PATJ: variants seen among roughly 807,000 people sequenced by gnomAD.
The protein encoded by PATJ is PATJ crumbs cell polarity complex component, also known as inaD-like protein.
PATJ carries 190 observed loss-of-function variants against 224.9 expected under a neutral mutation model. The ratio of observed to expected loss-of-function variants is 0.84; its 90% CI spans 0.75 to 0.95. The LOEUF is 0.95. Among genes scored for constraint, PATJ ranks in the 40% least tolerant of loss-of-function variants. The probability of loss-of-function intolerance (pLI) is 0.00; values close to 1 mark genes in which losing one functional copy is unlikely to be tolerated. For synonymous variants in PATJ, 769 were observed against 820.3 expected (o/e 0.94, Z 1.07); for missense variants, 2,121 against 2,270.3 (o/e 0.93, Z 1.34).
rs1356937495 is a variant in PATJ at position 62,106,158 on chromosome 1, G to GTGTGTATATATATATATATATATA, written c.4378-2278_4378-2277insGTGTATATATATATATATATATAT. On this transcript the variant is annotated intron_variant, in intron 33 of 43. Transcript: ENST00000642238. ...TACATGTGTATATGTGTGTGTGTGT[G>GTGTGTATATATATATATATATATA]TATATATATATATATATATATATAT... Among the ~76,000 whole-genome samples, 95 of 48,052 alleles carry GTGTGTATATATATATATATATATA rather than the reference G, an allele frequency of 2.0e-3. 7 individuals carry two copies. The highest frequency in any genetic ancestry group is 3.9e-3 in the Non-Finnish European group (88 of 22,802). 31.5% of individuals were successfully genotyped at this position (48,052 alleles called of 152,430 possible).
intron 28 of PATJ, among the ~76,000 whole-genome samples, chr1:62,003,774 G>A (rs1645931773): frequency 6.6e-6 from 1 of 152,156 alleles, no homozygotes; most frequent in South Asian, 2.1e-4. Flanking sequence ...TCCTCCCTTT[G>A]GTTCTCCCAT....
Position 61,808,506 on chromosome 1 carries a change from T to A in PATJ, c.1659T>A (p.Asp553Glu). Residue 553 changes from aspartate to glutamate, a missense_variant, in exon 14 of 44, where the codon GAT (aspartate) becomes GAA (glutamate). Asp to Glu is a conservative substitution (Grantham distance 45). Coordinates refer to ENST00000642238, the MANE Select transcript of PATJ (RefSeq NM_001350145.3). ...CTTTGGACACACAGATTGCAGATGA[T>A]GCTGAGTTACAGAAATATTCAAAGG... ...VATLDTQIAD[D>E]AELQKYSKLL... 3 of 1,608,336 alleles carry A rather than the reference T, an allele frequency of 1.9e-6. No individual in the cohort carries two copies. Among genetic ancestry groups the A allele is most frequent in the Non-Finnish European group, 2.6e-6 (3 of 1,175,902 alleles).
chr1:61,864,921 G>C (rs964599477), intron 20 of PATJ, among the ~76,000 whole-genome samples: 1 of 151,778 alleles, frequency 6.6e-6, no homozygotes, highest in African/African-American at 2.4e-5. Flanking sequence ...TTTCAGAGAA[G>C]AGTTCTTTTA....
In PATJ at chr1:61,771,729, T is replaced by TC. The variant is rs1208370969; in HGVS notation, c.720+103_720+104insC. On this transcript the variant is annotated intron_variant, in intron 6 of 43. Transcript: ENST00000642238. ...TGTCATTTTACCTTTCTTTCCTTTT[T>TC]TTTTTTTGAGATGGAGTTTCGCTCT... 3.3e-6 allele frequency: 3 copies of TC among 915,116 alleles called. No homozygotes were observed. The Admixed American group carries it at 1.1e-4, about 34-fold the overall frequency. The allele number at this position is 915,116 out of a possible 1,614,324, so 56.7% of individuals were successfully genotyped here. A position where few individuals can be genotyped will look rare whatever the true frequency, so the allele number is the denominator to read the frequency against.
chr1:62,036,010 G>C (rs1650311699), intron 29 of PATJ, among the ~76,000 whole-genome samples: 2 of 152,020 alleles, frequency 1.3e-5, no homozygotes, highest in Admixed American at 1.3e-4. Flanking sequence ...TGGAAAGAAA[G>C]TCTGTGCAGC....
In PATJ at chr1:62,099,764, A is replaced by T. The variant is rs192876868; in HGVS notation, c.4378-8673A>T. On this transcript the variant is annotated intron_variant, in intron 33 of 43. Coordinates refer to ENST00000642238, the MANE Select transcript of PATJ (RefSeq NM_001350145.3). Reference sequence around the variant, plus strand: ...TATCTAGAAATGTAAAATCTCATCTACTAAAATAGTTCACCCACAAAAGGG... The same window carrying T: ...TATCTAGAAATGTAAAATCTCATCTTCTAAAATAGTTCACCCACAAAAGGG... Among the ~76,000 whole-genome samples, 880 of 152,302 alleles carry T rather than the reference A, an allele frequency of 5.8e-3. 9 individuals carry two copies. Among genetic ancestry groups the T allele is most frequent in the African/African-American group, 0.02 (836 of 41,560 alleles).
intron 14 of PATJ, among the ~76,000 whole-genome samples, chr1:61,810,055 G>C (rs1245163147): frequency 2.6e-5 from 4 of 151,414 alleles, no homozygotes; most frequent in African/African-American, 9.7e-5. Context: ...TCACCATGTT[G>C]GTCAGGCTGG....
chr1:61,911,020 A>G (rs758598852), intron 25 of PATJ, among the ~76,000 whole-genome samples: 5 of 152,114 alleles, frequency 3.3e-5, no homozygotes, highest in Non-Finnish European at 7.4e-5. Flanking sequence ...TAAATTTTGA[A>G]CTTTCCTTAA....
intron 30 of PATJ, among the ~76,000 whole-genome samples, chr1:62,042,152 A>G (rs1325488775): frequency 6.6e-6 from 1 of 152,234 alleles, no homozygotes; most frequent in Non-Finnish European, 1.5e-5. Flanking sequence ...TTTCAAAAAT[A>G]ATGAAATCAC....
In PATJ at chr1:62,018,809, A is replaced by G. The variant is rs1036893056; in HGVS notation, c.3959+862A>G. On this transcript the variant is annotated intron_variant, in intron 29 of 43. Transcript: ENST00000642238. This position sits in a 1 kb window ranked among gnomAD's most constrained non-coding sequence, Gnocchi z 4.2. ...TTTTAGGATTATGACAATCATTATT[A>G]TTCTTCCCTTTCTCGTTAGTTACCA... Among the ~76,000 whole-genome samples, 1 of 152,146 alleles carries G rather than the reference A, an allele frequency of 6.6e-6. No homozygotes were observed. Among genetic ancestry groups the G allele is most frequent in the Non-Finnish European group, 1.5e-5 (1 of 68,016 alleles).
intron 27 of PATJ, among the ~76,000 whole-genome samples, chr1:61,967,134 A>G (rs1455680345): frequency 6.6e-6 from 1 of 152,192 alleles, no homozygotes; most frequent in Non-Finnish European, 1.5e-5. Context: ...CACCTCTGAC[A>G]ATAGAATTCT....
chr1:61,929,785 C>T (rs758160676), intron 27 of PATJ, among the ~76,000 whole-genome samples: 2 of 151,940 alleles, frequency 1.3e-5, no homozygotes, highest in East Asian at 1.9e-4. Context: ...TTTGGGAGGC[C>T]GAGGCAGACG....
At chr1:62,054,497 A>G (rs1483971551) in intron 31 of PATJ, 4 of 164,016 alleles carry the variant, frequency 2.4e-5, no homozygotes, top group African/African-American at 7.2e-5. Context: ...CAAGGAGTTT[A>G]TAATAATTTC....
chr1:61,823,199 A>G (rs1657617323), intron 15 of PATJ, 120 bp downstream of exon 15: 1 of 978,082 alleles, frequency 1.0e-6, no homozygotes, highest in Middle Eastern at 2.9e-4. Flanking sequence ...TGAGCCTCTT[A>G]GATTGAAAAA....
At chr1:61,848,592 G>GT (rs1450802506) in intron 17 of PATJ, among the ~76,000 whole-genome samples, 4 of 151,848 alleles carry the variant, frequency 2.6e-5, no homozygotes, top group African/African-American at 9.7e-5. Flanking sequence ...TATTTTTAAT[G>GT]TTTTTTAGAG....
intron 29 of PATJ, among the ~76,000 whole-genome samples, chr1:62,027,628 CT>C (rs57019359): frequency 0.035 from 3,879 of 109,704 alleles, 26 homozygotes; most frequent in African/African-American, 0.12. Context: ...GCCAACATTC[CT>C]TTTTTTTTTT....
At chr1:61,849,589 T>A (rs1376761748) in intron 17 of PATJ, among the ~76,000 whole-genome samples, 1 of 151,088 alleles carries the variant, frequency 6.6e-6, no homozygotes, top group African/African-American at 2.4e-5. Context: ...TGAGACCCTG[T>A]CTCAAAAAAG....
rs947767685 is a variant in PATJ at position 61,859,804 on chromosome 1, G to T, written c.2323-1747G>T. ...CCAGCTAATTTTTGTATTTTTAGTAGAGACAGTGTTTCTCCAGGCTGGGCA... is the reference window on the plus strand; with the variant it reads ...CCAGCTAATTTTTGTATTTTTAGTATAGACAGTGTTTCTCCAGGCTGGGCA... On this transcript the variant is annotated intron_variant, in intron 18 of 43. Transcript: ENST00000642238. Among the ~76,000 whole-genome samples the T allele has an allele frequency of 6.6e-5, 10 of 152,224 alleles. No individual in the cohort carries two copies. The East Asian group carries it at 7.7e-4, about 12-fold the overall frequency.
At chr1:61,845,983 A>G (rs1661883994) in intron 17 of PATJ, 1 of 152,224 alleles carries the variant, frequency 6.6e-6, no homozygotes. Context: ...GGGGTTTAGC[A>G]GATGATAGCA....
Sources: gnomAD v4.1 joint callset for allele counts (sites outside exome capture counted in the v4.1 genomes callset) on GRCh38, gnomAD v4.1.1 for gene constraint, Gnocchi (gnomAD v3.1) non-coding constraint, MANE v1.5 for transcripts, NCBI Gene and HGNC (gene_info 2026-07-23, HGNC 2026-07-21) for gene names.